Variants in EEA1 observed in about 807,000 individuals in gnomAD.
EEA1 encodes the protein early endosome antigen 1.
In EEA1, 111 loss-of-function variants were observed where a neutral mutation model predicts 209.2. The ratio of observed to expected loss-of-function variants is 0.53; its 90% CI spans 0.45 to 0.62. The LOEUF (loss-of-function observed/expected upper bound fraction) is 0.62, where lower values mean the gene tolerates loss of function less well. Among genes scored for constraint, EEA1 ranks in the 20% least tolerant of loss-of-function variants. The pLI is 0.00. For missense variants in EEA1, 1,343 were observed against 1,530.8 expected (o/e 0.88, Z 2.05); for synonymous variants, 536 against 540.6 (o/e 0.99, Z 0.12).
chr12:92,853,808 G>T, intron 6 of EEA1, 107 bp downstream of exon 6: 6 of 946,644 alleles, frequency 6.3e-6, no homozygotes, highest in Non-Finnish European at 7.9e-6. Flanking sequence ...GAGTCATAAA[G>T]CATAACCATG....
Position 92,929,131 on chromosome 12 carries a change from T to C in EEA1, c.-65A>G. 1.5e-5 allele frequency: 20 copies of C among 1,341,494 alleles called. No homozygotes were observed. The highest frequency in any genetic ancestry group is 2.0e-5 in the Non-Finnish European group (19 of 971,090). 83.1% of individuals were successfully genotyped at this position (1,341,494 alleles called of 1,614,324 possible). On this transcript the variant is annotated 5_prime_UTR_variant, in exon 1 of 29. Coordinates refer to ENST00000322349, the MANE Select transcript of EEA1 (RefSeq NM_003566.4). ...GACCCTGCGCGGGGCCACTCACTACTCGGGGTGCGCGGGCGGGAGGGACTG... is the reference window on the plus strand; with the variant it reads ...GACCCTGCGCGGGGCCACTCACTACCCGGGGTGCGCGGGCGGGAGGGACTG...
chr12:92,866,191 C>CAA (rs11317190), intron 2 of EEA1, among the ~76,000 whole-genome samples: 21 of 71,704 alleles, frequency 2.9e-4, no homozygotes, highest in East Asian at 4.1e-4. Context: ...GACTCCTTCT[C>CAA]AAAAAAAAAA....
rs761921543 is a variant in EEA1 at position 92,826,195 on chromosome 12, T to C, written c.1495A>G (p.Ser499Gly). 2 of 1,613,656 alleles carry C rather than the reference T, an allele frequency of 1.2e-6. No homozygotes were observed. The highest frequency in any genetic ancestry group is 1.1e-5 in the South Asian group (1 of 91,046). Residue 499 changes from serine to glycine, a missense_variant, in exon 13 of 29, where the codon AGC (serine) becomes GGC (glycine). Ser to Gly is a moderately conservative substitution (Grantham distance 56). Coordinates refer to ENST00000322349, the MANE Select transcript of EEA1 (RefSeq NM_003566.4). ...QHQEQQALQQSTTAKLREAQN... is the reference protein window; with the variant it reads ...QHQEQQALQQGTTAKLREAQN... ...GCTTCTCGAAGTTTTGCCGTGGTGC[T>C]TTGCTGAAGAGCCTGTTGTTCTTGA... is the stretch of plus-strand genomic sequence containing the variant.
intron 1 of EEA1, among the ~76,000 whole-genome samples, chr12:92,915,939 T>C (rs1880746480): frequency 6.6e-6 from 1 of 152,176 alleles, no homozygotes; most frequent in African/African-American, 2.4e-5. Context: ...AATTTGTCTC[T>C]CACAAGCAGC....
chr12:92,912,610 T>A (rs887077071), intron 1 of EEA1, among the ~76,000 whole-genome samples: 2 of 152,236 alleles, frequency 1.3e-5, no homozygotes, highest in South Asian at 2.1e-4. Flanking sequence ...TTTTGTTAGA[T>A]GGGCATATTG....
At position 92,832,756 on chromosome 12, in the gene EEA1, G is replaced by C; in HGVS notation, c.1010C>G (p.Ala337Gly). ...ATCTAGGTCTTTTTGATGAAGGGTTGCCTGAATATTCTTTTTACTCACAGA... is the reference window on the plus strand; with the variant it reads ...ATCTAGGTCTTTTTGATGAAGGGTTCCCTGAATATTCTTTTTACTCACAGA... ...EESVSKKNIQATLHQKDLDCQ... is the reference protein window; with the variant it reads ...EESVSKKNIQGTLHQKDLDCQ... Residue 337 changes from alanine to glycine, a missense_variant, in exon 11 of 29, where the codon GCA becomes GGA. By Grantham distance (60) the Ala-to-Gly change is moderately conservative (BLOSUM62 0). Around this residue, in one of 3 missense-constraint regions of EEA1, gnomAD observed 1,307 missense variants for 1,465.5 expected, o/e 0.89. Coordinates refer to ENST00000322349, the MANE Select transcript of EEA1 (RefSeq NM_003566.4). 1 of 1,613,896 alleles carries C rather than the reference G, an allele frequency of 6.2e-7. No homozygotes were observed. Among genetic ancestry groups the C allele is most frequent in the South Asian group, 1.1e-5 (1 of 91,076 alleles).
intron 15 of EEA1, among the ~76,000 whole-genome samples, chr12:92,813,872 G>A (rs1340241828): frequency 6.6e-6 from 1 of 152,016 alleles, no homozygotes; most frequent in Non-Finnish European, 1.5e-5. Context: ...AATTAGCTGG[G>A]CATGGTGGCA....
At chr12:92,873,782 CAATT>C (rs1426390632) in intron 2 of EEA1, among the ~76,000 whole-genome samples, 2 of 152,096 alleles carry the variant, frequency 1.3e-5, no homozygotes, top group African/African-American at 4.8e-5. Context: ...AATCTCATGA[CAATT>C]AAATAAGATA....
intron 2 of EEA1, among the ~76,000 whole-genome samples, chr12:92,888,462 A>G (rs1879506749): frequency 6.6e-6 from 1 of 152,054 alleles, no homozygotes; most frequent in African/African-American, 2.4e-5. Flanking sequence ...CTGTAGTCCC[A>G]GCTACTCGGG....
At chr12:92,789,835 C>G (rs1449633578) in intron 21 of EEA1, among the ~76,000 whole-genome samples, 2 of 152,218 alleles carry the variant, frequency 1.3e-5, no homozygotes. Context: ...GTCCCTGACC[C>G]CTGAGTAGCC....
chr12:92,852,833 T>C (rs1319651905), intron 7 of EEA1, 79 bp downstream of exon 7: 1 of 927,698 alleles, frequency 1.1e-6, no homozygotes, highest in Admixed American at 2.1e-5. Flanking sequence ...ACTAAAATAC[T>C]ATATTTATTG....
chr12:92,854,511 T>C (rs531740421), intron 5 of EEA1, among the ~76,000 whole-genome samples: 1 of 152,334 alleles, frequency 6.6e-6, no homozygotes, highest in African/African-American at 2.4e-5. Flanking sequence ...GACCTTATCA[T>C]ACCGCAGATC....
chr12:92,825,874 T>C (rs1400580574), intron 13 of EEA1, among the ~76,000 whole-genome samples: 1 of 149,478 alleles, frequency 6.7e-6, no homozygotes, highest in Non-Finnish European at 1.5e-5. Context: ...CTAATAAATT[T>C]AAGTAAATTA....
rs1162082711 is a variant in EEA1, at chr12:92,776,906, C to A, written c.4051G>T (p.Glu1351Ter). The change falls in exon 28 of 29, where the codon GAA (glutamate) becomes TAA (stop). Residue 1351 changes from glutamate to a stop codon, truncating the protein, a stop_gained. Coordinates refer to ENST00000322349, the MANE Select transcript of EEA1 (RefSeq NM_003566.4). LOFTEE classifies it high-confidence loss of function. ...ATACAGTTTTGTACTTCATTGTCTTCGGCCCACTTTCTATTCAACGCTTGT... is the reference window on the plus strand; with the variant it reads ...ATACAGTTTTGTACTTCATTGTCTTAGGCCCACTTTCTATTCAACGCTTGT... Reference protein sequence around the residue: ...HTQALNRKWAEDNEVQNCMAC... With the variant: ...HTQALNRKWA 1.2e-6 allele frequency: 2 copies of A among 1,611,866 alleles called. No homozygotes were observed. Among genetic ancestry groups the A allele is most frequent in the African/African-American group, 1.3e-5 (1 of 74,940 alleles).
intron 1 of EEA1, among the ~76,000 whole-genome samples, chr12:92,900,251 TA>T (rs1455414808): frequency 2.0e-5 from 3 of 152,194 alleles, no homozygotes; most frequent in Non-Finnish European, 4.4e-5. Flanking sequence ...CCCCTCGACT[TA>T]TCTAAAGGCA....
intron 21 of EEA1, among the ~76,000 whole-genome samples, chr12:92,790,853 A>G (rs961947275): frequency 3.9e-5 from 6 of 152,226 alleles, no homozygotes; most frequent in Admixed American, 6.5e-5. Context: ...GAAGGAAAAA[A>G]TGTTAAGGGC....
chr12:92,907,682 T>C (rs1228143484), intron 1 of EEA1, among the ~76,000 whole-genome samples: 4 of 152,198 alleles, frequency 2.6e-5, no homozygotes, highest in East Asian at 1.9e-4. Context: ...TCTCAAAGCA[T>C]TGTAACCAAA....
At chr12:92,886,077 T>C (rs1226963259) in intron 2 of EEA1, among the ~76,000 whole-genome samples, 1 of 150,574 alleles carries the variant, frequency 6.6e-6, no homozygotes, top group African/African-American at 2.4e-5. Flanking sequence ...TATAATGCTA[T>C]AAACATTACC....
At chr12:92,871,150 C>A (rs1034773466) in intron 2 of EEA1, among the ~76,000 whole-genome samples, 3 of 152,116 alleles carry the variant, frequency 2.0e-5, no homozygotes, top group African/African-American at 7.2e-5. Context: ...GATTTCATGG[C>A]AAAATTGATA....
Sources: gnomAD v4.1 joint callset for allele counts (sites outside exome capture counted in the v4.1 genomes callset) on GRCh38, gnomAD v4.1.1 for gene constraint, gnomAD v4.1.1 regional missense constraint, MANE v1.5 for transcripts, NCBI Gene and HGNC (gene_info 2026-07-23, HGNC 2026-07-21) for gene names.